The following SFSWAP variants were observed in gnomAD, a reference collection of about 807,000 sequenced individuals.
SFSWAP encodes the protein splicing factor SWAP, also known as splicing factor, suppressor of white-apricot homolog.
SFSWAP carries 17 observed loss-of-function variants against 100.7 expected under a neutral mutation model. The observed-to-expected ratio is 0.17, with a 90% CI of 0.12 to 0.25. The LOEUF (loss-of-function observed/expected upper bound fraction) is 0.25, where lower values mean the gene tolerates loss of function less well. Ranked by LOEUF, SFSWAP falls within the 10% of genes least tolerant of loss-of-function variation. The pLI is 1.00. For missense variants in SFSWAP, 1,005 were observed against 1,262.6 expected (o/e 0.80, Z 3.09); for synonymous variants, 504 against 510.1 (o/e 0.99, Z 0.16).
Position 131,760,374 on chromosome 12 carries a change from A to G in SFSWAP, c.1720+3730A>G, listed in dbSNP as rs1020314900. ...TGACCTAGAGAAATAGACAAAGGACATGAAAATATGGTTCCAAAAAGAAAA... is the reference window on the plus strand; with the variant it reads ...TGACCTAGAGAAATAGACAAAGGACGTGAAAATATGGTTCCAAAAAGAAAA... On this transcript the variant is annotated intron_variant, in intron 11 of 17. Coordinates refer to ENST00000261674, the MANE Select transcript of SFSWAP (RefSeq NM_004592.4). 2.6e-5 allele frequency among the ~76,000 whole-genome samples: 4 copies of G among 152,368 alleles called. No homozygotes were observed. In the East Asian group the frequency reaches 7.7e-4, roughly 29 times the overall value.
rs75324057 is a variant in SFSWAP at position 131,778,366 on chromosome 12, A to G, written c.2408+36A>G. 4.4e-6 allele frequency: 7 copies of G among 1,597,510 alleles called. No individual in the cohort carries two copies. The highest frequency in any genetic ancestry group is 5.1e-6 in the Non-Finnish European group (6 of 1,171,542). On this transcript the variant is annotated intron_variant, in intron 14 of 17. Coordinates refer to ENST00000261674, the MANE Select transcript of SFSWAP (RefSeq NM_004592.4). The surrounding 1 kb of genome is among the most constrained non-coding windows in gnomAD (Gnocchi z 4.2). The stretch of plus-strand genomic sequence containing the variant: ...AGGGGGCAGCACCTCTGGTACCCTC[A>G]TGACCCCCATGTCCTTCACAGGACA...
chr12:131,792,769 C>G (rs1885361237), intron 15 of SFSWAP, among the ~76,000 whole-genome samples: 1 of 152,238 alleles, frequency 6.6e-6, no homozygotes, highest in South Asian at 2.1e-4. Flanking sequence ...TACTGAGACT[C>G]CTGTTCTCCA....
At chr12:131,718,096 T>C (rs991661767) in intron 3 of SFSWAP, among the ~76,000 whole-genome samples, 1 of 152,170 alleles carries the variant, frequency 6.6e-6, no homozygotes, top group African/African-American at 2.4e-5. Flanking sequence ...CTCAAACAAA[T>C]GGATGGGACG....
chr12:131,771,488 T>C (rs139378304), intron 13 of SFSWAP, among the ~76,000 whole-genome samples: 143 of 152,302 alleles, frequency 9.4e-4, no homozygotes, highest in Admixed American at 1.8e-3. Flanking sequence ...AGTTGACCTC[T>C]GAAGGGACCG....
rs117987705 is a variant in SFSWAP at position 131,736,713 on chromosome 12, A to C, written c.1081+8285A>C. Among the ~76,000 whole-genome samples, 524 of 152,346 alleles carry C rather than the reference A, an allele frequency of 3.4e-3. 2 individuals carry two copies. Among genetic ancestry groups the C allele is most frequent in the Non-Finnish European group, 5.6e-3 (378 of 68,028 alleles). ...CTCATAGGCATACAGAACACTGTGC[A>C]GGTCTAAGACTTAGGAGAAGACGGA... On this transcript the variant is annotated intron_variant, in intron 7 of 17. Coordinates refer to ENST00000261674, the MANE Select transcript of SFSWAP (RefSeq NM_004592.4).
At chr12:131,742,678 A>G (rs1031900393) in intron 7 of SFSWAP, among the ~76,000 whole-genome samples, 4 of 152,110 alleles carry the variant, frequency 2.6e-5, no homozygotes, top group Non-Finnish European at 5.9e-5. Flanking sequence ...GGTTACAACA[A>G]AATACAGTGT....
rs1205739471 is a variant in SFSWAP, at chr12:131,730,323, G to T, written c.1081+1895G>T. 6.6e-6 allele frequency among the ~76,000 whole-genome samples: 1 copy of T among 152,244 alleles called. No homozygotes were observed. The highest frequency in any genetic ancestry group is 1.5e-5 in the Non-Finnish European group (1 of 68,042). On this transcript the variant is annotated intron_variant, in intron 7 of 17. Transcript: ENST00000261674. The surrounding 1 kb of genome is among the most constrained non-coding windows in gnomAD (Gnocchi z 4.0). ...TTTCCTTTTCCAAGCCTGTCGTTGA[G>T]TTTGCTTGAACCAAATGCATTGTCC...
At chr12:131,786,709 T>TCCCCCACCACC in intron 15 of SFSWAP, 121 bp downstream of exon 15, 1 of 1,061,662 alleles carries the variant, frequency 9.4e-7, no homozygotes, top group Non-Finnish European at 1.3e-6. Context: ...AGGTGCTGAG[T>TCCCCCACCACC]CCCCCACCAC....
chr12:131,766,688 G>GA, intron 13 of SFSWAP, among the ~76,000 whole-genome samples: 1 of 152,110 alleles, frequency 6.6e-6, no homozygotes, highest in African/African-American at 2.4e-5. Flanking sequence ...GCGCTCACAC[G>GA]TGGGGCAGAA....
At chr12:131,762,269 G>A (rs960990296) in intron 11 of SFSWAP, among the ~76,000 whole-genome samples, 1 of 152,078 alleles carries the variant, frequency 6.6e-6, no homozygotes, top group Non-Finnish European at 1.5e-5. Flanking sequence ...CTTGAGGCTG[G>A]GCACGGTGGC....
intron 7 of SFSWAP, among the ~76,000 whole-genome samples, chr12:131,744,240 A>G (rs956222865): frequency 7.9e-5 from 12 of 152,230 alleles, no homozygotes; most frequent in African/African-American, 2.7e-4. Flanking sequence ...AAAATGAGAT[A>G]TTCTTTTCTA....
In SFSWAP at chr12:131,775,295, GCTCT is replaced by G. The variant is rs567900821; in HGVS notation, c.2143-2765_2143-2762del. Among the ~76,000 whole-genome samples the G allele has an allele frequency of 1.9e-3, 291 of 152,268 alleles. 4 individuals are homozygous for G. Among genetic ancestry groups the G allele is most frequent in the African/African-American group, 6.6e-3 (276 of 41,544 alleles). ...TGTGTCTCAGCTCTCCTTCTCTTCA[GCTCT>G]CTCTTTGTTTTCCTGGGGAAATCCC... On this transcript the variant is annotated intron_variant, in intron 13 of 17. Transcript: ENST00000261674.
At position 131,794,017 on chromosome 12, in the gene SFSWAP, C is replaced by T. The variant is rs1277879804; in HGVS notation, c.2535-3161C>T. Among the ~76,000 whole-genome samples, 1 of 152,216 alleles carries T rather than the reference C, an allele frequency of 6.6e-6. No homozygotes were observed. Among genetic ancestry groups the T allele is most frequent in the South Asian group, 2.1e-4 (1 of 4,830 alleles). On this transcript the variant is annotated intron_variant, in intron 15 of 17. Transcript: ENST00000261674. This position sits in a 1 kb window ranked among gnomAD's most constrained non-coding sequence, Gnocchi z 4.8. ...ACACACCTACTCCCTGACCAGCTGT[C>T]CTGTTCCTAGCTGTGAACTCCTCTA...
chr12:131,740,591 C>T (rs533195762), intron 7 of SFSWAP, among the ~76,000 whole-genome samples: 33 of 152,244 alleles, frequency 2.2e-4, no homozygotes, highest in African/African-American at 4.3e-4. Flanking sequence ...TCTCTTGGTT[C>T]GGGTCACCTT....
chr12:131,773,294 T>C (rs569240720), intron 13 of SFSWAP, among the ~76,000 whole-genome samples: 1 of 152,346 alleles, frequency 6.6e-6, no homozygotes, highest in South Asian at 2.1e-4. Context: ...TGCGGTCATT[T>C]ACATAGTAGC....
chr12:131,787,230 A>T (rs567909313), intron 15 of SFSWAP, among the ~76,000 whole-genome samples: 1 of 152,036 alleles, frequency 6.6e-6, no homozygotes, highest in Non-Finnish European at 1.5e-5. Flanking sequence ...CTCACCCCTC[A>T]CTCAGTGCCT....
intron 14 of SFSWAP, among the ~76,000 whole-genome samples, chr12:131,783,155 T>C (rs893979981): frequency 4.9e-5 from 7 of 144,226 alleles, no homozygotes; most frequent in Non-Finnish European, 9.0e-5. Flanking sequence ...CTCTCCAGCC[T>C]GGGCAATAGA....
intron 13 of SFSWAP, among the ~76,000 whole-genome samples, chr12:131,768,063 G>A (rs1039196878): frequency 2.0e-5 from 3 of 152,244 alleles, no homozygotes; most frequent in Admixed American, 6.5e-5. Flanking sequence ...CTATATGTGC[G>A]CACGTTGACC....
At chr12:131,713,798 T>C in intron 1 of SFSWAP, 1 of 246,626 alleles carries the variant, frequency 4.1e-6, no homozygotes, top group East Asian at 7.7e-5. Flanking sequence ...ATTTTTGCTA[T>C]TAATGGATTG....
Sources: allele counts gnomAD v4.1 joint callset (sites outside exome capture counted in the v4.1 genomes callset), GRCh38; gene constraint gnomAD v4.1.1; non-coding constraint Gnocchi (gnomAD v3.1); transcripts MANE v1.5; gene names NCBI Gene and HGNC (gene_info 2026-07-23, HGNC 2026-07-21).